OSBPL10: variants seen among roughly 807,000 people sequenced by gnomAD.
The protein encoded by OSBPL10 is oxysterol-binding protein-related protein 10.
Under a neutral mutation model 81.7 loss-of-function variants are expected in OSBPL10, and 49 were observed. The observed-to-expected ratio is 0.60, with a 90% confidence interval of 0.48 to 0.76. The LOEUF is 0.76. OSBPL10 is among the 30% of genes least tolerant of loss of function. The probability of loss-of-function intolerance (pLI) is 0.00; values close to 1 mark genes in which losing one functional copy is unlikely to be tolerated. For missense variants in OSBPL10, 923 were observed against 987.8 expected (o/e 0.93, Z 0.88); for synonymous variants, 419 against 383.6 (o/e 1.09, Z -1.08).
Position 31,660,825 on chromosome 3 carries a change from T to G in OSBPL10, c.*1247A>C, listed in dbSNP as rs1043534135. 6.6e-6 allele frequency: 1 copy of G among 152,642 alleles called. No homozygotes were observed. The highest frequency in any genetic ancestry group is 6.5e-5 in the Admixed American group (1 of 15,284). The allele number at this position is 152,642 out of a possible 1,614,324, so 9.5% of individuals were successfully genotyped here. ...TGAAAATAAAACACAGACACAGATA[T>G]GTATTCAATCGAAATATATTTGTCT... On this transcript the variant is annotated 3_prime_UTR_variant, in exon 12 of 12. Transcript: ENST00000396556.
At chr3:31,972,042 A>G (rs1047865970) in intron 1 of OSBPL10, among the ~76,000 whole-genome samples, 1 of 152,202 alleles carries the variant, frequency 6.6e-6, no homozygotes, top group Non-Finnish European at 1.5e-5. Flanking sequence ...TTTCAAGCAA[A>G]GAGGAGTATG....
At chr3:31,948,974 G>T (rs1697783505) in intron 1 of OSBPL10, among the ~76,000 whole-genome samples, 1 of 152,184 alleles carries the variant, frequency 6.6e-6, no homozygotes, top group African/African-American at 2.4e-5. Context: ...AGAAAAGGGA[G>T]CAGGTGTTTG....
rs1701475732 is a variant in OSBPL10 at position 31,876,507 on chromosome 3, C to G, written c.463G>C (p.Asp155His). 1 of 1,612,150 alleles carries G rather than the reference C, an allele frequency of 6.2e-7. No homozygotes were observed. Among genetic ancestry groups the G allele is most frequent in the Non-Finnish European group, 8.5e-7 (1 of 1,178,198 alleles). ...ACCCAGAATTGTTTCTCTTTTGCAT[C>G]AGCAGCTAAAATAGAGAAAACAGAG... is the stretch of plus-strand genomic sequence containing the variant. ...NGEMFKLRAA[D>H]AKEKQFWVTQ... Residue 155 changes from aspartate (D) to histidine (H), a missense_variant, in exon 3 of 12, where the codon GAT becomes CAT. This residue lies in a region of OSBPL10 where 514 missense variants were observed against 508.0 expected (regional missense o/e 1.01). Transcript: ENST00000396556.
chr3:31,810,202 T>C (rs1559474931), intron 4 of OSBPL10, among the ~76,000 whole-genome samples: 1 of 152,008 alleles, frequency 6.6e-6, no homozygotes, highest in African/African-American at 2.4e-5. Context: ...ATTTCTTATT[T>C]AAAAAAAGTC....
chr3:31,828,130 G>C (rs1020239183), intron 4 of OSBPL10, among the ~76,000 whole-genome samples: 1 of 152,226 alleles, frequency 6.6e-6, no homozygotes, highest in South Asian at 2.1e-4. Context: ...CAAGGTTATG[G>C]TCTCAAATTA....
chr3:31,878,785 C>T (rs1701544528), intron 2 of OSBPL10, among the ~76,000 whole-genome samples: 1 of 150,722 alleles, frequency 6.6e-6, no homozygotes, highest in Non-Finnish European at 1.5e-5. Flanking sequence ...TTCCTCAGGA[C>T]TTGATAAATA....
chr3:31,765,989 T>G (rs1027650497), intron 4 of OSBPL10, among the ~76,000 whole-genome samples: 1 of 152,166 alleles, frequency 6.6e-6, no homozygotes, highest in Admixed American at 6.5e-5. Context: ...TGGCCGTCTC[T>G]TATTTCTCTC....
chr3:32,052,286 A>T (rs1197293556), intron 1 of OSBPL10, among the ~76,000 whole-genome samples: 1 of 151,976 alleles, frequency 6.6e-6, no homozygotes, highest in African/African-American at 2.4e-5. Context: ...TAAAATTTAG[A>T]TATTTGGTTT....
intron 5 of OSBPL10, among the ~76,000 whole-genome samples, chr3:31,737,740 C>T (rs1697226287): frequency 6.6e-6 from 1 of 152,010 alleles, no homozygotes; most frequent in East Asian, 1.9e-4. Context: ...TCCTGTAATC[C>T]CAGCACTTTG....
chr3:31,839,014 G>C (rs1700431540), intron 3 of OSBPL10, among the ~76,000 whole-genome samples: 1 of 152,212 alleles, frequency 6.6e-6, no homozygotes, highest in African/African-American at 2.4e-5. Context: ...TCTCAGGCCA[G>C]AGATGGTATC....
At chr3:31,771,924 C>A (rs1575534275) in intron 4 of OSBPL10, among the ~76,000 whole-genome samples, 1 of 152,076 alleles carries the variant, frequency 6.6e-6, no homozygotes, top group Admixed American at 6.6e-5. Flanking sequence ...CAGTTTGGTC[C>A]GGGAACACTA....
intron 6 of OSBPL10, among the ~76,000 whole-genome samples, chr3:31,730,133 G>A (rs1314510021): frequency 6.6e-6 from 1 of 152,182 alleles, no homozygotes; most frequent in African/African-American, 2.4e-5. Context: ...ACGAGGTCAG[G>A]AGATCGAGAT....
chr3:31,953,225 G>C (rs113168509), intron 1 of OSBPL10, among the ~76,000 whole-genome samples: 1 of 151,902 alleles, frequency 6.6e-6, no homozygotes, highest in Admixed American at 6.6e-5. Context: ...GAGCCAGCGC[G>C]CCCGGTCCTC....
At chr3:31,955,956 G>T (rs535263080) in intron 1 of OSBPL10, among the ~76,000 whole-genome samples, 23 of 152,300 alleles carry the variant, frequency 1.5e-4, no homozygotes, top group African/African-American at 5.5e-4. Flanking sequence ...ATGTTATGAA[G>T]TTTGGCCTCT....
chr3:31,731,366 A>C lies in OSBPL10; in HGVS notation c.1095+1891T>G, dbSNP rs1265664354. On this transcript the variant is annotated intron_variant, in intron 6 of 11. Coordinates refer to ENST00000396556, the MANE Select transcript of OSBPL10 (RefSeq NM_017784.5). ...TTAACTTGCTCTGACAAAACAATTA[A>C]GGGCAAAAATGACAACTAGAAATTA... Among the ~76,000 whole-genome samples the C allele has an allele frequency of 3.9e-5, 6 of 152,348 alleles. No homozygotes were observed. The South Asian group carries it at 8.3e-4, about 21-fold the overall frequency.
At chr3:31,840,147 C>G (rs772943706) in intron 3 of OSBPL10, among the ~76,000 whole-genome samples, 4 of 151,880 alleles carry the variant, frequency 2.6e-5, no homozygotes, top group Admixed American at 2.0e-4. Context: ...AAGGCGAGTG[C>G]GTGCTGAGGA....
At chr3:31,800,572 C>A (rs1699354046) in intron 4 of OSBPL10, among the ~76,000 whole-genome samples, 1 of 152,196 alleles carries the variant, frequency 6.6e-6, no homozygotes, top group African/African-American at 2.4e-5. Context: ...TTATCAAAAC[C>A]ACACTCTCTC....
At chr3:31,819,979 C>T (rs1041178582) in intron 4 of OSBPL10, among the ~76,000 whole-genome samples, 6 of 152,072 alleles carry the variant, frequency 3.9e-5, no homozygotes, top group African/African-American at 1.2e-4. Context: ...CCTGAATAGC[C>T]CCCACAATCA....
intron 2 of OSBPL10, among the ~76,000 whole-genome samples, chr3:32,021,617 C>T (rs139808912): frequency 4.9e-4 from 74 of 152,182 alleles, no homozygotes; most frequent in African/African-American, 1.7e-3. Flanking sequence ...TACTTGTTAA[C>T]CATTTGTATA....
Sources: allele counts gnomAD v4.1 joint callset (sites outside exome capture counted in the v4.1 genomes callset), GRCh38; gene constraint gnomAD v4.1.1; regional missense constraint gnomAD v4.1.1; transcripts MANE v1.5; gene names NCBI Gene and HGNC (gene_info 2026-07-23, HGNC 2026-07-21).